PCED1B: variants seen among roughly 807,000 people sequenced by gnomAD.
PCED1B encodes PC-esterase domain containing 1B.
For synonymous variants in PCED1B, 251 were observed against 246.1 expected, an observed-to-expected ratio of 1.02 and a Z score of -0.19; for missense variants, 573 against 573.9, an observed-to-expected ratio of 1.00 and a Z score of 0.02.
At chr12:47,137,693 A>C (rs1592189077) in intron 2 of PCED1B, among the ~76,000 whole-genome samples, 1 of 148,080 alleles carries the variant, frequency 6.8e-6, no homozygotes, top group Non-Finnish European at 1.5e-5. Flanking sequence ...ATGCCACTGC[A>C]CTCCAGCCTG....
rs1261657523 is a variant in PCED1B, at chr12:47,216,459, A to C, written c.-288A>C. On this transcript the variant is annotated 5_prime_UTR_variant, in exon 3 of 4. Transcript: ENST00000546455. Reference sequence around the variant, plus strand: ...TTCCGCTTCCTAAAGCAAGAAACTAAATGCTGACTTGTGTCGTTTGCCCCA... The same window carrying C: ...TTCCGCTTCCTAAAGCAAGAAACTACATGCTGACTTGTGTCGTTTGCCCCA... 6.6e-6 allele frequency: 1 copy of C among 152,190 alleles called. No homozygotes were observed. Among genetic ancestry groups the C allele is most frequent in the Admixed American group, 6.5e-5 (1 of 15,286 alleles). The allele number at this position is 152,190 out of a possible 1,614,324, so 9.4% of individuals were successfully genotyped here.
intron 2 of PCED1B, among the ~76,000 whole-genome samples, chr12:47,159,615 C>T (rs1165329019): frequency 6.6e-6 from 1 of 151,468 alleles, no homozygotes; most frequent in African/African-American, 2.4e-5. Flanking sequence ...TCTCGGTTTT[C>T]CTTGTATATT....
intron 1 of PCED1B, among the ~76,000 whole-genome samples, chr12:47,081,815 C>G (rs567389261): frequency 3.3e-5 from 5 of 152,080 alleles, no homozygotes; most frequent in African/African-American, 9.6e-5. Context: ...GAAGAAAGAC[C>G]TGTATTTAAT....
chr12:47,132,816 G>A (rs984823303), intron 2 of PCED1B, among the ~76,000 whole-genome samples: 1 of 152,182 alleles, frequency 6.6e-6, no homozygotes, highest in Non-Finnish European at 1.5e-5. Flanking sequence ...GCTGTGAAAG[G>A]AGAACCAAAA....
intron 2 of PCED1B, among the ~76,000 whole-genome samples, chr12:47,133,273 T>G (rs1216980101): frequency 6.6e-6 from 1 of 152,196 alleles, no homozygotes; most frequent in Non-Finnish European, 1.5e-5. Flanking sequence ...GTCCATGATT[T>G]CTGTGGTAGG....
intron 2 of PCED1B, among the ~76,000 whole-genome samples, chr12:47,114,064 G>T (rs1438206892): frequency 6.6e-6 from 1 of 152,128 alleles, no homozygotes; most frequent in Non-Finnish European, 1.5e-5. Flanking sequence ...TTCCAGATGG[G>T]AATCTAGGAC....
intron 2 of PCED1B, among the ~76,000 whole-genome samples, chr12:47,124,202 A>T (rs998404863): frequency 6.6e-6 from 1 of 152,066 alleles, no homozygotes; most frequent in African/African-American, 2.4e-5. Flanking sequence ...ATCTCTAGGA[A>T]ATCATTAACT....
rs547634040 is a variant in PCED1B at position 47,167,648 on chromosome 12, C to T, written c.-525-48574C>T. The stretch of plus-strand genomic sequence containing the variant: ...GTGTCATAAATAGCAGCACAGAGAA[C>T]GAAGCTGGATTCTAGATGATATTGC... On this transcript the variant is annotated intron_variant, in intron 2 of 3. Transcript: ENST00000546455. Among the ~76,000 whole-genome samples the T allele has an allele frequency of 4.6e-5, 7 of 152,036 alleles. No individual in the cohort carries two copies. The East Asian group carries it at 5.8e-4, about 13-fold the overall frequency.
intron 2 of PCED1B, among the ~76,000 whole-genome samples, chr12:47,106,766 G>A (rs1938969084): frequency 6.6e-6 from 1 of 152,130 alleles, no homozygotes; most frequent in South Asian, 2.1e-4. Flanking sequence ...GTTAGAGCAT[G>A]TTCTTTTTCT....
chr12:47,203,840 G>A (rs1190816605), intron 2 of PCED1B, among the ~76,000 whole-genome samples: 1 of 152,124 alleles, frequency 6.6e-6, no homozygotes, highest in Non-Finnish European at 1.5e-5. Context: ...TAATGGGATT[G>A]CTGGGTCTAA....
intron 2 of PCED1B, among the ~76,000 whole-genome samples, chr12:47,188,685 C>T (rs1301247700): frequency 2.0e-5 from 3 of 152,142 alleles, no homozygotes; most frequent in Non-Finnish European, 4.4e-5. Flanking sequence ...CATCCATCGC[C>T]CAAATTGAAA....
chr12:47,079,701 G>C lies in PCED1B; in HGVS notation c.-633G>C, dbSNP rs1161628667. On this transcript the variant is annotated 5_prime_UTR_variant, in exon 1 of 4. Coordinates refer to ENST00000546455, the MANE Select transcript of PCED1B (RefSeq NM_138371.3). ...TTCGCTGGCTCCCGGGGGCTCTCCC[G>C]GGTTCCTCTCATTGCAGGCTGAAGG... The C allele has an allele frequency of 6.6e-6, 1 of 151,974 alleles. No homozygotes were observed. Among genetic ancestry groups the C allele is most frequent in the Admixed American group, 6.5e-5 (1 of 15,272 alleles). The allele number at this position is 151,974 out of a possible 1,614,324, so 9.4% of individuals were successfully genotyped here.
At chr12:47,145,776 A>G (rs1430064149) in intron 2 of PCED1B, among the ~76,000 whole-genome samples, 1 of 152,220 alleles carries the variant, frequency 6.6e-6, no homozygotes, top group East Asian at 1.9e-4. Flanking sequence ...ATTACTGCTT[A>G]TTGACAATTC....
chr12:47,222,422 C>CAAAAAAAAAA (rs750444043), intron 3 of PCED1B, among the ~76,000 whole-genome samples: 2 of 81,638 alleles, frequency 2.4e-5, no homozygotes, highest in African/African-American at 4.6e-5. Context: ...AACTCCATCT[C>CAAAAAAAAAA]AAAAAAAAAA....
At chr12:47,219,716 G>A (rs2137824441) in intron 3 of PCED1B, among the ~76,000 whole-genome samples, 1 of 152,234 alleles carries the variant, frequency 6.6e-6, no homozygotes, top group East Asian at 1.9e-4. Flanking sequence ...TTAAAGCTGT[G>A]CACAAAATAT....
intron 2 of PCED1B, among the ~76,000 whole-genome samples, chr12:47,160,165 G>A (rs1394237941): frequency 6.6e-6 from 1 of 151,980 alleles, no homozygotes; most frequent in African/African-American, 2.4e-5. Context: ...TTGAAGTCAG[G>A]TAGTGTGGTG....
At chr12:47,095,625 A>G (rs1938454417) in intron 1 of PCED1B, among the ~76,000 whole-genome samples, 1 of 151,642 alleles carries the variant, frequency 6.6e-6, no homozygotes, top group Non-Finnish European at 1.5e-5. Flanking sequence ...GATACTTTCT[A>G]TTTATCTGGG....
intron 1 of PCED1B, among the ~76,000 whole-genome samples, chr12:47,080,267 G>A (rs780565553): frequency 6.6e-6 from 1 of 152,122 alleles, no homozygotes; most frequent in Non-Finnish European, 1.5e-5. Flanking sequence ...AGGCTAAAGG[G>A]GACACGCCCA....
intron 2 of PCED1B, among the ~76,000 whole-genome samples, chr12:47,213,806 G>A (rs914053705): frequency 5.3e-5 from 8 of 152,166 alleles, no homozygotes; most frequent in Admixed American, 4.6e-4. Flanking sequence ...AATAGTAGCT[G>A]TCTACATAGA....
Sources: gnomAD v4.1 joint callset for allele counts (sites outside exome capture counted in the v4.1 genomes callset) on GRCh38, gnomAD v4.1.1 for gene constraint, MANE v1.5 for transcripts, NCBI Gene and HGNC (gene_info 2026-07-23, HGNC 2026-07-21) for gene names.